CEP57: variants seen among roughly 807,000 people sequenced by gnomAD.
CEP57 encodes centrosomal protein of 57 kDa.
Under a neutral mutation model 68.0 loss-of-function variants are expected in CEP57, and 40 were observed. The ratio of observed to expected loss-of-function variants is 0.59; its 90% CI spans 0.46 to 0.77. The LOEUF (loss-of-function observed/expected upper bound fraction) is 0.77. CEP57 is among the 30% of genes least tolerant of loss of function. CEP57 has a pLI of 0.00. For synonymous variants in CEP57, 219 were observed against 198.7 expected (o/e 1.10, Z -0.86); for missense variants, 606 against 580.7 (o/e 1.04, Z -0.45).
intron 1 of CEP57, among the ~76,000 whole-genome samples, chr11:95,793,786 G>T (rs1461885123): frequency 6.6e-6 from 1 of 152,184 alleles, no homozygotes; most frequent in Non-Finnish European, 1.5e-5. Context: ...GTAAATGACA[G>T]TATCTTAATG....
intron 2 of CEP57, among the ~76,000 whole-genome samples, chr11:95,803,454 C>T (rs1196700895): frequency 1.3e-5 from 2 of 152,040 alleles, no homozygotes; most frequent in Non-Finnish European, 2.9e-5. Flanking sequence ...TGGAAAATAC[C>T]ACCATTAAAA....
In CEP57 at chr11:95,806,613, C is replaced by G. The variant is rs554799851; in HGVS notation, c.203-6319C>G. On this transcript the variant is annotated intron_variant, in intron 2 of 10. Transcript: ENST00000325542. ...TCTGAGGGTCCCATGCCCATGGAGC[C>G]TCACTCACTGCTAGCACAGCAGTCT... Among the ~76,000 whole-genome samples, 21 of 152,300 alleles carry G rather than the reference C, an allele frequency of 1.4e-4. No individual in the cohort carries two copies. In the South Asian group the frequency reaches 4.4e-3, roughly 32 times the overall value.
intron 10 of CEP57, among the ~76,000 whole-genome samples, chr11:95,830,348 AAG>A (rs1181891119): frequency 6.6e-6 from 1 of 152,196 alleles, no homozygotes; most frequent in Non-Finnish European, 1.5e-5. Flanking sequence ...ATGTATGAAA[AAG>A]AAATACAAGC....
At chr11:95,830,546 A>G (rs1183705997) in intron 10 of CEP57, among the ~76,000 whole-genome samples, 4 of 152,202 alleles carry the variant, frequency 2.6e-5, no homozygotes, top group African/African-American at 9.6e-5. Flanking sequence ...TTAATACATT[A>G]CCAATTACAT....
In CEP57 at chr11:95,799,354, G is replaced by A. The variant is rs746328499; in HGVS notation, c.168G>A (p.Lys56=). The A allele has an allele frequency of 1.9e-6, 3 of 1,613,982 alleles. No individual in the cohort carries two copies. Among genetic ancestry groups the A allele is most frequent in the Non-Finnish European group, 2.5e-6 (3 of 1,179,932 alleles). Residue 56 remains lysine (K), a synonymous_variant, in exon 2 of 11, where the codon AAG becomes AAA. Coordinates refer to ENST00000325542, the MANE Select transcript of CEP57 (RefSeq NM_014679.5). ...LNSDLRRSPS[K]PTLAYPESNS... ...GTGATCTACGACGCTCCCCAAGTAA[G>A]CCTACACTTGCCTATCCAGAAAGCA...
In CEP57 at chr11:95,821,969, A is replaced by G. The variant is rs61903295; in HGVS notation, c.798A>G (p.Pro266=). The part of the protein sequence containing the change: ...ARRIKKKKSK[P]PEKKSSRNYF... ...GAATTAAAAAAAAGAAGTCAAAACC[A>G]CCAGAAAAGGTGTGAAGACAGAACC... The change falls in exon 7 of 11, where the codon CCA becomes CCG. Residue 266 remains proline, a synonymous_variant. Transcript: ENST00000325542. 0.033 allele frequency: 52,899 copies of G among 1,610,584 alleles called. 1,024 individuals are homozygous for G. Among genetic ancestry groups the G allele is most frequent in the Middle Eastern group, 0.072 (401 of 5,588 alleles).
At position 95,792,661 on chromosome 11, in the gene CEP57, C is replaced by T. The variant is rs1010605501; in HGVS notation, c.45+1918C>T. ...TGCTAAGCTCAGCTTTAATAGGATT[C>T]TAAATATCAAGGGTACACTAAGAAT... On this transcript the variant is annotated intron_variant, in intron 1 of 10. Transcript: ENST00000325542. 2.0e-5 allele frequency among the ~76,000 whole-genome samples: 3 copies of T among 152,186 alleles called. No homozygotes were observed. The South Asian group carries it at 6.2e-4, about 31-fold the overall frequency.
At chr11:95,802,824 C>G (rs879752859) in intron 2 of CEP57, among the ~76,000 whole-genome samples, 27 of 152,180 alleles carry the variant, frequency 1.8e-4, no homozygotes, top group Admixed American at 1.8e-3. Context: ...GAGCTCTGCC[C>G]TCAATGTGCC....
At chr11:95,820,375 A>G (rs1219453739) in intron 6 of CEP57, among the ~76,000 whole-genome samples, 1 of 151,820 alleles carries the variant, frequency 6.6e-6, no homozygotes, top group African/African-American at 2.4e-5. Flanking sequence ...TGCTGAGGTC[A>G]GGAGTTTGAG....
chr11:95,808,996 G>T (rs992627096), intron 2 of CEP57, among the ~76,000 whole-genome samples: 3 of 152,008 alleles, frequency 2.0e-5, no homozygotes, highest in African/African-American at 7.2e-5. Flanking sequence ...AATTATAACA[G>T]ACTGTCTCTC....
At chr11:95,798,361 T>C (rs184301209) in intron 1 of CEP57, among the ~76,000 whole-genome samples, 1 of 152,376 alleles carries the variant, frequency 6.6e-6, no homozygotes, top group African/African-American at 2.4e-5. Context: ...GGAGATTGTT[T>C]ACTGTTTTAA....
Position 95,790,695 on chromosome 11 carries a change from A to T in CEP57, c.-4A>T. 6.2e-7 allele frequency: 1 copy of T among 1,613,958 alleles called. No homozygotes were observed. The highest frequency in any genetic ancestry group is 8.5e-7 in the Non-Finnish European group (1 of 1,179,958). On this transcript the variant is annotated 5_prime_UTR_variant, in exon 1 of 11. Coordinates refer to ENST00000325542, the MANE Select transcript of CEP57 (RefSeq NM_014679.5). ...GTGCGGAGACCCCCTGGGCAGGCTGAAAGATGGCGGCGGCGTCTGTCTCTG... is the reference window on the plus strand; with the variant it reads ...GTGCGGAGACCCCCTGGGCAGGCTGTAAGATGGCGGCGGCGTCTGTCTCTG...
At chr11:95,817,754 A>G (rs751088025) in intron 4 of CEP57, 33 bp from the exon 5 acceptor site, 15 of 1,424,550 alleles carry the variant, frequency 1.1e-5, no homozygotes, top group Admixed American at 5.0e-5. Flanking sequence ...TTGATTGTCA[A>G]ATTATCAAGC....
At chr11:95,792,608 T>G (rs1861138231) in intron 1 of CEP57, among the ~76,000 whole-genome samples, 1 of 152,252 alleles carries the variant, frequency 6.6e-6, no homozygotes, top group East Asian at 1.9e-4. Flanking sequence ...TACCAAAGAC[T>G]GTTCATTAGG....
intron 3 of CEP57, 47 bp from the exon 4 acceptor site, chr11:95,813,421 A>G: frequency 2.5e-6 from 4 of 1,600,232 alleles, no homozygotes; most frequent in East Asian, 2.2e-5. Context: ...TGTTAAAACT[A>G]TTTTATGGGT....
intron 2 of CEP57, among the ~76,000 whole-genome samples, chr11:95,810,557 A>G (rs1314357927): frequency 6.6e-6 from 1 of 152,186 alleles, no homozygotes; most frequent in Non-Finnish European, 1.5e-5. Context: ...TACACCAATA[A>G]CAGACACACA....
chr11:95,820,283 A>T (rs1385240637), intron 6 of CEP57, among the ~76,000 whole-genome samples: 1 of 152,152 alleles, frequency 6.6e-6, no homozygotes, highest in African/African-American at 2.4e-5. Context: ...AATGAGGGAT[A>T]GATGTGTGGT....
In CEP57 at chr11:95,829,173, T is replaced by C. The variant is rs544886407; in HGVS notation, c.1128-14T>C. 4 of 1,613,526 alleles carry C rather than the reference T, an allele frequency of 2.5e-6. No individual in the cohort carries two copies. Among genetic ancestry groups the C allele is most frequent in the Non-Finnish European group, 3.4e-6 (4 of 1,179,904 alleles). ...AGAAAACTTAACCATGTTCTACTTCTGCTTTGTATATAGTGATCACCAGCA... is the reference window on the plus strand; with the variant it reads ...AGAAAACTTAACCATGTTCTACTTCCGCTTTGTATATAGTGATCACCAGCA... On this transcript the variant is annotated splice_polypyrimidine_tract_variant and intron_variant, in intron 9 of 10. Coordinates refer to ENST00000325542, the MANE Select transcript of CEP57 (RefSeq NM_014679.5).
intron 2 of CEP57, among the ~76,000 whole-genome samples, chr11:95,807,763 G>A (rs59497522): frequency 0.066 from 9,931 of 151,482 alleles, 409 homozygotes; most frequent in Middle Eastern, 0.13. Flanking sequence ...TGAAAGTGAC[G>A]GGGAGAATGG....
Sources: allele counts gnomAD v4.1 joint callset (sites outside exome capture counted in the v4.1 genomes callset), GRCh38; gene constraint gnomAD v4.1.1; transcripts MANE v1.5; gene names NCBI Gene and HGNC (gene_info 2026-07-23, HGNC 2026-07-21).